The following KDM4A variants were observed in gnomAD, a reference collection of about 807,000 sequenced individuals.
KDM4A encodes lysine demethylase 4A.
KDM4A carries 23 observed loss-of-function variants against 127.1 expected under a neutral mutation model. The observed-to-expected ratio is 0.18, with a 90% CI of 0.13 to 0.26. The LOEUF (loss-of-function observed/expected upper bound fraction) is 0.26. Among genes scored for constraint, KDM4A ranks in the 10% least tolerant of loss-of-function variants. The pLI is 1.00. For synonymous variants in KDM4A, 443 were observed against 466.5 expected, an observed-to-expected ratio of 0.95 and a Z score of 0.65; for missense variants, 890 against 1,329.1, an observed-to-expected ratio of 0.67 and a Z score of 5.14.
intron 10 of KDM4A, among the ~76,000 whole-genome samples, chr1:43,670,556 ATTTTTTTTTTTTT>A (rs35331772): frequency 3.9e-5 from 3 of 76,162 alleles, no homozygotes; most frequent in Non-Finnish European, 5.1e-5. Flanking sequence ...CGCCTGGCTA[ATTTTTTTTTTTTT>A]TTTTTTTTTT....
chr1:43,669,257 C>G lies in KDM4A; in HGVS notation c.1321C>G (p.His441Asp). 3 of 1,614,180 alleles carry G rather than the reference C, an allele frequency of 1.9e-6. No individual in the cohort carries two copies. The highest frequency in any genetic ancestry group is 2.5e-6 in the Non-Finnish European group (3 of 1,180,034). ...AGCCCTCGCCCCTGTGAGGCCCACC[C>G]ATAGCTCTGTGCGGCAAGTTGAGGA... Reference protein sequence around the residue: ...PAALAPVRPTHSSVRQVEDGL... With the variant: ...PAALAPVRPTDSSVRQVEDGL... The change falls in exon 10 of 22, where the codon CAT becomes GAT. Residue 441 changes from histidine to aspartate, a missense_variant. By Grantham distance (81) the His-to-Asp change is moderately conservative. Transcript: ENST00000372396.
intron 10 of KDM4A, among the ~76,000 whole-genome samples, chr1:43,670,932 T>C (rs964244435): frequency 5.3e-5 from 8 of 152,084 alleles, no homozygotes; most frequent in African/African-American, 1.7e-4. Context: ...CTTGAACTCC[T>C]GGGCTCCAGC....
chr1:43,660,492 A>G (rs1476062387), intron 4 of KDM4A, 80 bp downstream of exon 4: 1 of 1,515,368 alleles, frequency 6.6e-7, no homozygotes, highest in African/African-American at 1.4e-5. Context: ...CGTAGTAGGC[A>G]CCTAAAAGCT....
chr1:43,689,208 C>A (rs1661053012), intron 13 of KDM4A, 113 bp downstream of exon 13: 1 of 1,036,300 alleles, frequency 9.6e-7, no homozygotes, highest in Non-Finnish European at 1.4e-6. Context: ...CCACCTCCAC[C>A]CCCAGCATTC....
intron 9 of KDM4A, 43 bp downstream of exon 9, chr1:43,668,062 T>C: frequency 6.2e-7 from 1 of 1,609,758 alleles, no homozygotes; most frequent in Non-Finnish European, 8.5e-7. Flanking sequence ...GAGGGAGGGA[T>C]GTCTGGGTAG....
chr1:43,666,094 A>G (rs1320863402), intron 6 of KDM4A, among the ~76,000 whole-genome samples: 1 of 152,238 alleles, frequency 6.6e-6, no homozygotes, highest in Non-Finnish European at 1.5e-5. Context: ...TGTCTGGAGA[A>G]CATAGGAAAG....
chr1:43,671,914 C>T (rs199980633), intron 11 of KDM4A, 39 bp downstream of exon 11: 27 of 1,508,906 alleles, frequency 1.8e-5, no homozygotes, highest in South Asian at 4.1e-5. Flanking sequence ...GGGGAGCTGC[C>T]CTGGAGGACA....
intron 3 of KDM4A, among the ~76,000 whole-genome samples, chr1:43,656,641 C>G (rs1163334484): frequency 6.6e-6 from 1 of 150,948 alleles, no homozygotes; most frequent in Non-Finnish European, 1.5e-5. Context: ...CCTGGCCCTT[C>G]TCCGCTGTTT....
At chr1:43,658,360 C>T (rs1016703212) in intron 3 of KDM4A, among the ~76,000 whole-genome samples, 17 of 150,494 alleles carry the variant, frequency 1.1e-4, no homozygotes, top group African/African-American at 3.7e-4. Flanking sequence ...CATGAGCCAC[C>T]GTGCCCAACC....
chr1:43,691,720 A>G, intron 15 of KDM4A, 148 bp downstream of exon 15: 1 of 706,008 alleles, frequency 1.4e-6, no homozygotes, highest in Admixed American at 2.3e-5. Flanking sequence ...GTGAGAGTAA[A>G]TCCTATGACC....
At chr1:43,655,896 C>A (rs996800747) in intron 3 of KDM4A, 130 bp downstream of exon 3, 2 of 627,162 alleles carry the variant, frequency 3.2e-6, no homozygotes, top group Admixed American at 7.6e-5. Flanking sequence ...CTAGCTGTCT[C>A]CCTTTCTGCT....
intron 1 of KDM4A, among the ~76,000 whole-genome samples, chr1:43,652,556 C>T (rs1220414152): frequency 6.6e-6 from 1 of 151,988 alleles, no homozygotes; most frequent in Admixed American, 6.6e-5. Context: ...ACTATGTTGC[C>T]CAGGCTGGTC....
intron 18 of KDM4A, among the ~76,000 whole-genome samples, chr1:43,696,013 G>A (rs767199092): frequency 6.6e-6 from 1 of 152,216 alleles, no homozygotes; most frequent in African/African-American, 2.4e-5. Flanking sequence ...TAAATGCTGA[G>A]GTCACTGGAG....
chr1:43,689,572 A>G (rs990767057), intron 13 of KDM4A, among the ~76,000 whole-genome samples: 1 of 152,160 alleles, frequency 6.6e-6, no homozygotes, highest in Non-Finnish European at 1.5e-5. Flanking sequence ...CAAGGGCCTG[A>G]TATGTGAGGA....
At chr1:43,659,309 T>C (rs1051984357) in intron 3 of KDM4A, among the ~76,000 whole-genome samples, 1 of 151,976 alleles carries the variant, frequency 6.6e-6, no homozygotes, top group Admixed American at 6.6e-5. Context: ...TTTTAAGGTA[T>C]AGTTTTCTTT....
chr1:43,679,429 AGCAACTTTGT>A (rs1453508223), intron 11 of KDM4A, among the ~76,000 whole-genome samples: 1 of 152,174 alleles, frequency 6.6e-6, no homozygotes, highest in Non-Finnish European at 1.5e-5. Flanking sequence ...GCAGAAGCTG[AGCAACTTTGT>A]CCATCCCTGG....
At chr1:43,676,266 G>C (rs1020694956) in intron 11 of KDM4A, among the ~76,000 whole-genome samples, 1 of 152,044 alleles carries the variant, frequency 6.6e-6, no homozygotes, top group African/African-American at 2.4e-5. Flanking sequence ...CTACAGCCTG[G>C]GTGACAGAAT....
In KDM4A at chr1:43,669,078, A is replaced by C. The variant is rs986088320; in HGVS notation, c.1164-22A>C. ...GTGGATGTATATGTGGGCTCTTAAA[A>C]GATTTGCCCTCTCCCTTGCAGCCTG... On this transcript the variant is annotated intron_variant, in intron 9 of 21. Transcript: ENST00000372396. 5.6e-6 allele frequency: 9 copies of C among 1,613,884 alleles called. No homozygotes were observed. In the Admixed American group the frequency reaches 1.5e-4, roughly 27 times the overall value.
chr1:43,654,307 G>A (rs1660184259), intron 2 of KDM4A, among the ~76,000 whole-genome samples: 1 of 152,202 alleles, frequency 6.6e-6, no homozygotes, highest in South Asian at 2.1e-4. Flanking sequence ...CTTCTCCAGT[G>A]CCGTCTCCTT....
Sources: allele counts gnomAD v4.1 joint callset (sites outside exome capture counted in the v4.1 genomes callset), GRCh38; gene constraint gnomAD v4.1.1; transcripts MANE v1.5; gene names NCBI Gene and HGNC (gene_info 2026-07-23, HGNC 2026-07-21).